The following NAGA variants were observed in gnomAD, a reference collection of about 807,000 sequenced individuals.
The protein encoded by NAGA is Acetylgalactosaminidase, alpha-N- (alpha-galactosidase B).
NAGA carries 42 observed loss-of-function variants against 45.6 expected under a neutral mutation model. The ratio of observed to expected loss-of-function variants is 0.92; its 90% CI spans 0.72 to 1.19. The LOEUF (loss-of-function observed/expected upper bound fraction) is 1.19. Among genes scored for constraint, NAGA ranks in the 50% most tolerant of loss-of-function variants. The pLI is 0.00. For synonymous variants in NAGA, 176 were observed against 203.1 expected (o/e 0.87, Z 1.13); for missense variants, 493 against 544.8 (o/e 0.90, Z 0.95).
intron 6 of NAGA, among the ~76,000 whole-genome samples, chr22:42,063,297 G>A (rs1339620017): frequency 1.3e-5 from 2 of 152,144 alleles, no homozygotes; most frequent in Admixed American, 6.5e-5. Context: ...GGCGGCTCAT[G>A]CTTGTAAATG....
rs754396207 is a variant in NAGA, at chr22:42,062,867, T to C, written c.917A>G (p.Asn306Ser). 1 of 1,614,142 alleles carries C rather than the reference T, an allele frequency of 6.2e-7. No homozygotes were observed. Among genetic ancestry groups the C allele is most frequent in the East Asian group, 2.2e-5 (1 of 44,880 alleles). Residue 306 changes from asparagine (N) to serine (S), a missense_variant, in exon 7 of 9, where the codon AAC (asparagine) becomes AGC (serine). Asn to Ser is a conservative substitution (Grantham distance 46). Transcript: ENST00000396398. ...TCCCTGGATGCCTAAGGGATCCTGG[T>C]TGATTTTGATCATGAGTGGATTCTG... The part of the protein sequence containing the change: ...ILQNPLMIKI[N>S]QDPLGIQGRR...
chr22:42,067,718 G>A, intron 3 of NAGA, 47 bp downstream of exon 3: 1 of 1,537,790 alleles, frequency 6.5e-7, no homozygotes, highest in Non-Finnish European at 8.9e-7. Context: ...AGGGTGAAAG[G>A]AGTGGTCTAG....
chr22:42,066,513 C>T (rs1926737854), intron 5 of NAGA, among the ~76,000 whole-genome samples, 197 bp downstream of exon 5: 2 of 152,242 alleles, frequency 1.3e-5, no homozygotes. Context: ...ACACACACAC[C>T]TCTCTGGGCT....
At chr22:42,063,139 G>A (rs1189409091) in intron 6 of NAGA, 115 bp from the exon 7 acceptor site, 1 of 1,062,710 alleles carries the variant, frequency 9.4e-7, no homozygotes, top group Non-Finnish European at 1.4e-6. Flanking sequence ...AAAGATGGCT[G>A]TATGTGGAGG....
intron 2 of NAGA, 117 bp downstream of exon 2, chr22:42,068,322 G>A (rs993191181): frequency 2.6e-6 from 4 of 1,530,062 alleles, no homozygotes; most frequent in Non-Finnish European, 3.6e-6. Context: ...TCTGGCTGCA[G>A]TCTCTGGGAT....
In NAGA at chr22:42,068,691, G is replaced by A. The variant is rs1264158641; in HGVS notation, c.17-117C>T. The stretch of plus-strand genomic sequence containing the variant: ...CAGAGGCTGCCTGCCTATATATAAG[G>A]GAAACTGGACTCCTGGGTTTAGGGT... On this transcript the variant is annotated intron_variant, in intron 1 of 8. Transcript: ENST00000396398. The A allele has an allele frequency of 4.3e-6, 6 of 1,400,202 alleles. No individual in the cohort carries two copies. In the East Asian group the frequency reaches 1.0e-4, roughly 23 times the overall value. The allele number at this position is 1,400,202 out of a possible 1,614,324, so 86.7% of individuals were successfully genotyped here.
intron 1 of NAGA, among the ~76,000 whole-genome samples, chr22:42,068,856 C>T (rs1035467095): frequency 9.7e-5 from 3 of 30,790 alleles, no homozygotes; most frequent in African/African-American, 6.7e-4. Context: ...ATGTCCTAAC[C>T]TTCCTATAAC....
rs1157674592 is a variant in NAGA at position 42,070,618 on chromosome 22, A to G, written c.-321T>C. 2.0e-6 allele frequency: 1 copy of G among 505,618 alleles called. No homozygotes were observed. The highest frequency in any genetic ancestry group is 3.6e-6 in the Non-Finnish European group (1 of 277,616). The allele number at this position is 505,618 out of a possible 1,614,324, so 31.3% of individuals were successfully genotyped here. The stretch of plus-strand genomic sequence containing the variant: ...GCCGCCTTCGGCCCCGCCCGGGCTC[A>G]GAAAAAGGCAGCCACTGGCTTAAGG... On this transcript the variant is annotated 5_prime_UTR_variant, in exon 1 of 9. Coordinates refer to ENST00000396398, the MANE Select transcript of NAGA (RefSeq NM_000262.3).
At chr22:42,067,438 A>G in intron 3 of NAGA, 148 bp from the exon 4 acceptor site, 3 of 1,007,862 alleles carry the variant, frequency 3.0e-6, no homozygotes, top group Non-Finnish European at 4.5e-6. Context: ...TCTGCCCATG[A>G]TGGCCCACCT....
Position 42,060,134 on chromosome 22 carries a change from C to T in NAGA, c.*145G>A. 1 of 1,096,202 alleles carries T rather than the reference C, an allele frequency of 9.1e-7. No homozygotes were observed. Among genetic ancestry groups the T allele is most frequent in the Non-Finnish European group, 1.4e-6 (1 of 732,182 alleles). The allele number at this position is 1,096,202 out of a possible 1,614,324, so 67.9% of individuals were successfully genotyped here. A position where few individuals can be genotyped will look rare whatever the true frequency, so the allele number is the denominator to read the frequency against. Reference sequence around the variant, plus strand: ...CGCTTGGACAGGGCATAGAACCTGGCCGTGAGATTGCACTTTGGGTATGAT... The same window carrying T: ...CGCTTGGACAGGGCATAGAACCTGGTCGTGAGATTGCACTTTGGGTATGAT... On this transcript the variant is annotated 3_prime_UTR_variant, in exon 9 of 9. Coordinates refer to ENST00000396398, the MANE Select transcript of NAGA (RefSeq NM_000262.3).
intron 8 of NAGA, 61 bp from the exon 9 acceptor site, chr22:42,060,474 C>T (rs191976652): frequency 1.4e-4 from 223 of 1,605,846 alleles, no homozygotes; most frequent in Admixed American, 7.5e-4. Context: ...AGACCCCCCC[C>T]GCTAGAGGAT....
intron 1 of NAGA, among the ~76,000 whole-genome samples, 156 bp downstream of exon 1, chr22:42,070,126 C>T (rs1926968460): frequency 6.6e-6 from 1 of 152,224 alleles, no homozygotes; most frequent in South Asian, 2.1e-4. Context: ...AGAAATGATT[C>T]CCGTATGGGG....
intron 1 of NAGA, 48 bp from the exon 2 acceptor site, chr22:42,068,622 G>C: frequency 6.2e-7 from 1 of 1,610,088 alleles, no homozygotes; most frequent in Non-Finnish European, 8.5e-7. Flanking sequence ...TGCCCCCACA[G>C]CTCCAGCCCT....
Position 42,070,352 on chromosome 22 carries a change from T to A in NAGA, c.-55A>T. 6.2e-7 allele frequency: 1 copy of A among 1,608,004 alleles called. No individual in the cohort carries two copies. Among genetic ancestry groups the A allele is most frequent in the Non-Finnish European group, 8.5e-7 (1 of 1,174,448 alleles). On this transcript the variant is annotated 5_prime_UTR_variant, in exon 1 of 9. Transcript: ENST00000396398. ...CCAGATCTGGTCTGCGTGTATCAGC[T>A]GTATGTGTTGGGCTCTGGAAGCTAA...
At position 42,062,737 on chromosome 22, in the gene NAGA, C is replaced by T; in HGVS notation, c.957+90G>A. 6.8e-6 allele frequency: 10 copies of T among 1,463,676 alleles called. No individual in the cohort carries two copies. In the South Asian group the frequency reaches 1.1e-4, roughly 17 times the overall value. 90.7% of individuals were successfully genotyped at this position (1,463,676 alleles called of 1,614,324 possible). ...GGACTGGGCGACTCCTGTACCTCGC[C>T]AGGTGTTGCCCCCAGGGAGGCTGGC... is the stretch of plus-strand genomic sequence containing the variant. On this transcript the variant is annotated intron_variant, in intron 7 of 8. Transcript: ENST00000396398.
chr22:42,065,378 G>T (rs1221063695), intron 6 of NAGA, among the ~76,000 whole-genome samples: 1 of 152,118 alleles, frequency 6.6e-6, no homozygotes, highest in African/African-American at 2.4e-5. Flanking sequence ...AGAGGCACAC[G>T]GGGGAGAGCA....
chr22:42,067,735 G>A, intron 3 of NAGA, 30 bp downstream of exon 3: 1 of 1,602,400 alleles, frequency 6.2e-7, no homozygotes, highest in Non-Finnish European at 8.5e-7. Context: ...CTAGCCCTGA[G>A]GCCAAGGGCA....
At chr22:42,061,158 C>T in intron 7 of NAGA, 91 bp from the exon 8 acceptor site, 1 of 1,479,022 alleles carries the variant, frequency 6.8e-7, no homozygotes. Context: ...CTGGGTCCCC[C>T]AGTTCACAGC....
rs539216658 is a variant in NAGA, at chr22:42,067,701, G to T, written c.324+64C>A. 2.4e-4 allele frequency: 333 copies of T among 1,405,146 alleles called. 1 individual carries two copies. In the African/African-American group the frequency reaches 4.1e-3, roughly 17 times the overall value. The allele number at this position is 1,405,146 out of a possible 1,614,324, so 87.0% of individuals were successfully genotyped here. On this transcript the variant is annotated intron_variant, in intron 3 of 8. Transcript: ENST00000396398. ...TCTCAATCATGTAAGTGAGCCCTAA[G>T]CGAGGTAGGGTGAAAGGAGTGGTCT... is the stretch of plus-strand genomic sequence containing the variant.
Sources: allele counts gnomAD v4.1 joint callset (sites outside exome capture counted in the v4.1 genomes callset), GRCh38; gene constraint gnomAD v4.1.1; transcripts MANE v1.5; gene names NCBI Gene and HGNC (gene_info 2026-07-23, HGNC 2026-07-21).